ZNF257: variants seen among roughly 807,000 people sequenced by gnomAD.
ZNF257 encodes the protein zinc finger protein 257.
A neutral mutation model predicts 11.9 loss-of-function variants in ZNF257; 12 were observed. The observed-to-expected ratio is 1.01, with a 90% CI of 0.65 to 1.63. The LOEUF is 1.63. ZNF257 is among the 40% of genes most tolerant of loss of function. The pLI, the probability that ZNF257 is intolerant of heterozygous loss-of-function variation, is 0.00. For synonymous variants in ZNF257, 183 were observed against 222.7 expected, an observed-to-expected ratio of 0.82 and a Z score of 1.59; for missense variants, 580 against 665.5, an observed-to-expected ratio of 0.87 and a Z score of 1.41.
At chr19:22,054,745 C>G (rs1405006219) in intron 1 of ZNF257, among the ~76,000 whole-genome samples, 1 of 151,936 alleles carries the variant, frequency 6.6e-6, no homozygotes, top group Non-Finnish European at 1.5e-5. Flanking sequence ...GAGATCTTAT[C>G]AGAATGTTTT....
At chr19:22,072,991 TTTA>T in intron 2 of ZNF257, 56 bp downstream of exon 2, 1 of 1,430,322 alleles carries the variant, frequency 7.0e-7, no homozygotes, top group Non-Finnish European at 9.1e-7. Context: ...TTATTTTTTA[TTTA>T]TTTTTTTTTT....
intron 1 of ZNF257, among the ~76,000 whole-genome samples, chr19:22,067,659 A>T (rs2021988596): frequency 6.6e-6 from 1 of 151,730 alleles, no homozygotes; most frequent in African/African-American, 2.4e-5. Context: ...ACATGGTGAA[A>T]CCCTGTCTCT....
At chr19:22,085,353 G>T (rs1373137218) in intron 3 of ZNF257, among the ~76,000 whole-genome samples, 1 of 152,118 alleles carries the variant, frequency 6.6e-6, no homozygotes, top group Admixed American at 6.5e-5. Context: ...ACAGGTGTGA[G>T]CCACGATGCC....
chr19:22,073,023 A>G, intron 2 of ZNF257, 88 bp downstream of exon 2: 1 of 1,347,050 alleles, frequency 7.4e-7, no homozygotes, highest in Non-Finnish European at 9.9e-7. Flanking sequence ...GTTTTTTGGT[A>G]ATTTGGTAAT....
At chr19:22,070,371 T>G (rs1207621774) in intron 1 of ZNF257, among the ~76,000 whole-genome samples, 1 of 148,758 alleles carries the variant, frequency 6.7e-6, no homozygotes, top group Non-Finnish European at 1.5e-5. Flanking sequence ...CTATAAAAAT[T>G]AAAATGCTGT....
chr19:22,062,217 C>A (rs1212218647), intron 1 of ZNF257, among the ~76,000 whole-genome samples: 1 of 139,100 alleles, frequency 7.2e-6, no homozygotes, highest in Non-Finnish European at 1.5e-5. Context: ...CCCACCACTG[C>A]GCCTGCTTTT....
chr19:22,062,437 T>G (rs1422346068), intron 1 of ZNF257, among the ~76,000 whole-genome samples: 2 of 151,640 alleles, frequency 1.3e-5, no homozygotes, highest in Non-Finnish European at 2.9e-5. Context: ...CTAAGGATTT[T>G]TACATCAATG....
intron 1 of ZNF257, among the ~76,000 whole-genome samples, chr19:22,068,155 T>C (rs2022007259): frequency 7.3e-6 from 1 of 137,574 alleles, no homozygotes; most frequent in South Asian, 2.6e-4. Flanking sequence ...TCTCTGTCCC[T>C]CTTTTTTTTT....
At chr19:22,087,050 T>G (rs1274168736) in intron 3 of ZNF257, among the ~76,000 whole-genome samples, 1 of 151,818 alleles carries the variant, frequency 6.6e-6, no homozygotes, top group African/African-American at 2.4e-5. Context: ...TTTCTTATTT[T>G]TCTGATTTTC....
chr19:22,053,410 C>T (rs1971748841), intron 1 of ZNF257, among the ~76,000 whole-genome samples: 1 of 149,212 alleles, frequency 6.7e-6, no homozygotes, highest in African/African-American at 2.5e-5. Context: ...AAGTACCCAG[C>T]TATGGTTTGT....
Position 22,079,951 on chromosome 19 carries a change from G to A in ZNF257, c.226+6387G>A, listed in dbSNP as rs537562270. 9.9e-5 allele frequency among the ~76,000 whole-genome samples: 15 copies of A among 152,116 alleles called. No individual in the cohort carries two copies. The South Asian group carries it at 2.9e-3, about 29-fold the overall frequency. ...TTTTATTCAATTGTGGTCAGAAAAC[G>A]CACAGTGTATAATTTTGGTATACTT... On this transcript the variant is annotated intron_variant, in intron 3 of 3. Coordinates refer to ENST00000594947, the MANE Select transcript of ZNF257 (RefSeq NM_033468.4).
chr19:22,080,903 A>C (rs2022342613), intron 3 of ZNF257, among the ~76,000 whole-genome samples: 1 of 148,578 alleles, frequency 6.7e-6, no homozygotes, highest in Non-Finnish European at 1.5e-5. Flanking sequence ...TTTGAGATAG[A>C]GTCTTGCTTT....
intron 1 of ZNF257, among the ~76,000 whole-genome samples, chr19:22,054,690 TA>T (rs1274764291): frequency 6.6e-6 from 1 of 152,154 alleles, no homozygotes; most frequent in South Asian, 2.1e-4. Flanking sequence ...CACTGTAGTG[TA>T]AAAAAAATTT....
intron 1 of ZNF257, among the ~76,000 whole-genome samples, chr19:22,068,976 G>A (rs371436817): frequency 3.3e-5 from 3 of 91,702 alleles, no homozygotes; most frequent in Non-Finnish European, 6.1e-5. Flanking sequence ...TCAGGCTGAC[G>A]AGTGGTTAAC....
At chr19:22,084,736 GTT>G (rs55702537) in intron 3 of ZNF257, among the ~76,000 whole-genome samples, 25 of 139,768 alleles carry the variant, frequency 1.8e-4, no homozygotes, top group Non-Finnish European at 2.2e-4. Context: ...AAATTTTAGG[GTT>G]TTTTTTTTTT....
chr19:22,058,272 A>ATTT (rs141989816), intron 1 of ZNF257, among the ~76,000 whole-genome samples: 225 of 146,508 alleles, frequency 1.5e-3, no homozygotes, highest in Non-Finnish European at 2.7e-3. Context: ...TTCCCCACCT[A>ATTT]TTTTTTTTTT....
At chr19:22,078,549 T>C (rs1256428455) in intron 3 of ZNF257, among the ~76,000 whole-genome samples, 1 of 152,104 alleles carries the variant, frequency 6.6e-6, no homozygotes, top group African/African-American at 2.4e-5. Flanking sequence ...AATATTTTAT[T>C]TGAGTGCAAA....
chr19:22,069,361 T>C (rs1223943099), intron 1 of ZNF257, among the ~76,000 whole-genome samples: 2 of 152,144 alleles, frequency 1.3e-5, no homozygotes, highest in African/African-American at 4.8e-5. Flanking sequence ...ACGCCTGTAA[T>C]CCCAGCACTT....
At chr19:22,086,638 A>G (rs974433883) in intron 3 of ZNF257, among the ~76,000 whole-genome samples, 11 of 151,436 alleles carry the variant, frequency 7.3e-5, no homozygotes, top group Admixed American at 5.9e-4. Context: ...GGATTTGGTT[A>G]TTTTAGAAGG....
Sources: gnomAD v4.1 joint callset for allele counts (sites outside exome capture counted in the v4.1 genomes callset) on GRCh38, gnomAD v4.1.1 for gene constraint, MANE v1.5 for transcripts, NCBI Gene and HGNC (gene_info 2026-07-23, HGNC 2026-07-21) for gene names.